Variants in LRRC51 observed in about 807,000 individuals in gnomAD.
LRRC51 encodes leucine-rich repeat-containing protein 51.
In LRRC51, 8 loss-of-function variants were observed where a neutral mutation model predicts 17.8. The ratio of observed to expected loss-of-function variants is 0.45; its 90% CI spans 0.26 to 0.81. The LOEUF (loss-of-function observed/expected upper bound fraction) is 0.81, where lower values mean the gene tolerates loss of function less well. LRRC51 is among the 30% of genes least tolerant of loss of function. The pLI, the probability that LRRC51 is intolerant of heterozygous loss-of-function variation, is 0.17. For missense variants in LRRC51, 233 were observed against 239.3 expected, an observed-to-expected ratio of 0.97 and a Z score of 0.17; for synonymous variants, 92 against 96.0, an observed-to-expected ratio of 0.96 and a Z score of 0.24.
intron 2 of LRRC51, chr11:72,088,581 T>C (rs1944675635): frequency 3.3e-6 from 2 of 597,384 alleles, no homozygotes; most frequent in Non-Finnish European, 6.0e-6. Context: ...GTGCAGGCCC[T>C]CAAGGATTTG....
chr11:72,081,047 C>T (rs1944144804), intron 1 of LRRC51, among the ~76,000 whole-genome samples, 162 bp downstream of exon 1: 1 of 152,230 alleles, frequency 6.6e-6, no homozygotes, highest in Non-Finnish European at 1.5e-5. Context: ...ACAACACTCA[C>T]ATGGGACAGA....
chr11:72,084,861 CGTGTGTGTGTGTGTGTGTGTGTGTGT>C (rs55904624), intron 1 of LRRC51, among the ~76,000 whole-genome samples: 1,983 of 124,316 alleles, frequency 0.016, 69 homozygotes, highest in African/African-American at 0.059. Flanking sequence ...AAAAGAAAAC[CGTGTGTGTGTGTGTGTGTGTGTGTGT>C]GTGTGTGTGT....
chr11:72,092,132 C>T (rs1351413028), intron 3 of LRRC51, among the ~76,000 whole-genome samples: 5 of 152,210 alleles, frequency 3.3e-5, no homozygotes, highest in Middle Eastern at 3.4e-3. Flanking sequence ...TCCTCCCTAC[C>T]CTCACTCTCC....
intron 1 of LRRC51, among the ~76,000 whole-genome samples, chr11:72,085,129 A>G (rs1944460969): frequency 6.6e-6 from 1 of 152,194 alleles, no homozygotes; most frequent in South Asian, 2.1e-4. Context: ...TCATTCATCA[A>G]GTTAGTCAGT....
At chr11:72,091,356 C>T (rs1231884695) in intron 3 of LRRC51, among the ~76,000 whole-genome samples, 2 of 152,116 alleles carry the variant, frequency 1.3e-5, no homozygotes, top group African/African-American at 4.8e-5. Context: ...CTGGGGTACG[C>T]CGTTCCAGTA....
intron 3 of LRRC51, 57 bp from the exon 4 acceptor site, chr11:72,093,439 C>T (rs1944979282): frequency 2.0e-6 from 3 of 1,510,096 alleles, no homozygotes; most frequent in African/African-American, 1.4e-5. Context: ...TGTCCCTTCC[C>T]ACCCCCTAAA....
chr11:72,089,686 C>T, intron 3 of LRRC51: 1 of 914,800 alleles, frequency 1.1e-6, no homozygotes, highest in Non-Finnish European at 1.4e-6. Flanking sequence ...TGGCATATTT[C>T]CAGTTTAAAT....
chr11:72,093,812 C>T lies in LRRC51; in HGVS notation c.288+111C>T, dbSNP rs770557602. The T allele has an allele frequency of 7.0e-5, 73 of 1,036,950 alleles. 1 individual carries two copies. The highest frequency in any genetic ancestry group is 6.7e-5 in the Non-Finnish European group (44 of 659,922). The allele number at this position is 1,036,950 out of a possible 1,614,324, so 64.2% of individuals were successfully genotyped here. A position where few individuals can be genotyped will look rare whatever the true frequency, so the allele number is the denominator to read the frequency against. ...AAGGAAGTAATGAGGCAGCATGGTA[C>T]AGTCCAAAGCACAAGGCTAGGGGGC... On this transcript the variant is annotated intron_variant, in intron 4 of 5. Coordinates refer to ENST00000289488, the MANE Select transcript of LRRC51 (RefSeq NM_145309.6).
At chr11:72,095,267 A>T in intron 5 of LRRC51, 112 bp from the exon 6 acceptor site, 1 of 1,598,374 alleles carries the variant, frequency 6.3e-7, no homozygotes, top group South Asian at 1.1e-5. Context: ...TCTTTCCCAA[A>T]CTATGCTCAA....
At chr11:72,089,668 C>T (rs1180468707) in intron 3 of LRRC51, 1 of 1,007,078 alleles carries the variant, frequency 9.9e-7, no homozygotes, top group Non-Finnish European at 1.3e-6. Flanking sequence ...GGGGTCTTAT[C>T]TACAAACTGG....
rs1384155232 is a variant in LRRC51 at position 72,096,891 on chromosome 11, A to T, written c.*1371A>T. On this transcript the variant is annotated 3_prime_UTR_variant, in exon 6 of 6. Coordinates refer to ENST00000289488, the MANE Select transcript of LRRC51 (RefSeq NM_145309.6). ...ATTTGATAAAAAGAATCTTCTGCTT[A>T]AAAACATTTGCTTGCTGACTCCATA... 7.9e-7 allele frequency: 1 copy of T among 1,267,652 alleles called. No individual in the cohort carries two copies. The highest frequency in any genetic ancestry group is 3.1e-5 in the South Asian group (1 of 32,016). 78.5% of individuals were successfully genotyped at this position (1,267,652 alleles called of 1,614,324 possible). A position where few individuals can be genotyped will look rare whatever the true frequency, so the allele number is the denominator to read the frequency against.
Position 72,095,392 on chromosome 11 carries a change from T to C in LRRC51, c.451T>C (p.Cys151Arg), listed in dbSNP as rs141987599. ...EEKGYRQYVL[C>R]TLSRITTFDF... ...TCTTCCCCACAGGCAATATGTGCTG[T>C]GCACCCTGTCCCGTATCACCACGTT... The change falls in exon 6 of 6, where the codon TGC (cysteine) becomes CGC (arginine). Residue 151 changes from cysteine (C) to arginine (R), a missense_variant. Coordinates refer to ENST00000289488, the MANE Select transcript of LRRC51 (RefSeq NM_145309.6). The C allele has an allele frequency of 5.6e-6, 9 of 1,614,000 alleles. No individual in the cohort carries two copies. The highest frequency in any genetic ancestry group is 2.7e-5 in the African/African-American group (2 of 74,918).
chr11:72,082,998 T>C (rs955095308), intron 1 of LRRC51, among the ~76,000 whole-genome samples: 1 of 152,132 alleles, frequency 6.6e-6, no homozygotes, highest in Non-Finnish European at 1.5e-5. Flanking sequence ...CCCAGGTAAC[T>C]GGGATTACAG....
At chr11:72,094,377 C>A in intron 4 of LRRC51, 1 of 324,170 alleles carries the variant, frequency 3.1e-6, no homozygotes, top group Non-Finnish European at 5.6e-6. Flanking sequence ...CACTGCGCAC[C>A]CACTGTGACC....
At chr11:72,081,679 G>T (rs1364615434) in intron 1 of LRRC51, among the ~76,000 whole-genome samples, 1 of 152,088 alleles carries the variant, frequency 6.6e-6, no homozygotes, top group East Asian at 1.9e-4. Context: ...GGGGCGTGAA[G>T]TGCCTCATTC....
chr11:72,096,137 G>T lies in LRRC51; in HGVS notation c.*617G>T, dbSNP rs1478630014. 1 of 165,918 alleles carries T rather than the reference G, an allele frequency of 6.0e-6. No homozygotes were observed. The highest frequency in any genetic ancestry group is 1.3e-5 in the Non-Finnish European group (1 of 75,996). The allele number at this position is 165,918 out of a possible 1,614,324, so 10.3% of individuals were successfully genotyped here. On this transcript the variant is annotated 3_prime_UTR_variant, in exon 6 of 6. Coordinates refer to ENST00000289488, the MANE Select transcript of LRRC51 (RefSeq NM_145309.6). The stretch of plus-strand genomic sequence containing the variant: ...CCTGCCTCAGCCTCCCAAGTAGCTG[G>T]GACTATAGGCACCTACTACCACGCC...
At chr11:72,085,270 C>T (rs1456487360) in intron 1 of LRRC51, 2 of 152,214 alleles carry the variant, frequency 1.3e-5, no homozygotes, top group African/African-American at 2.4e-5. Flanking sequence ...TCAGTTCTCC[C>T]CAGCAGTCAA....
rs58257513 is a variant in LRRC51 at position 72,087,287 on chromosome 11, C to CT, written c.-139-982dup. Among the ~76,000 whole-genome samples the CT allele has an allele frequency of 1.0e-3, 110 of 107,286 alleles. 1 individual carries two copies. The highest frequency in any genetic ancestry group is 1.6e-3 in the African/African-American group (45 of 28,558). The allele number at this position is 107,286 out of a possible 152,430, so 70.4% of individuals were successfully genotyped here. The stretch of plus-strand genomic sequence containing the variant: ...AGGTCCTTGGTTTTTAACAGAAATT[C>CT]TTTTTTTTTTTTTTTTTTTTTTTTT... On this transcript the variant is annotated intron_variant, in intron 1 of 5. Transcript: ENST00000289488.
chr11:72,088,671 C>T, intron 2 of LRRC51: 1 of 538,718 alleles, frequency 1.9e-6, no homozygotes, highest in South Asian at 2.2e-5. Flanking sequence ...TGTAGAGTAA[C>T]AGAAAAGGTC....
Sources: allele counts gnomAD v4.1 joint callset (sites outside exome capture counted in the v4.1 genomes callset), GRCh38; gene constraint gnomAD v4.1.1; transcripts MANE v1.5; gene names NCBI Gene and HGNC (gene_info 2026-07-23, HGNC 2026-07-21).